The following TMEM213 variants were observed in gnomAD, a reference collection of about 807,000 sequenced individuals.
TMEM213 encodes the protein transmembrane protein 213.
In TMEM213, 7 loss-of-function variants were observed where a neutral mutation model predicts 11.6. That is an observed-to-expected ratio of 0.60 (90% CI 0.34 to 1.13). The LOEUF is 1.13. TMEM213 is among the 50% of genes most tolerant of loss of function. TMEM213 has a pLI of 0.03. For synonymous variants in TMEM213, 60 were observed against 58.3 expected (o/e 1.03, Z -0.13); for missense variants, 129 against 139.0 (o/e 0.93, Z 0.36).
chr7:138,800,620 A>G (rs1432439018), intron 1 of TMEM213, among the ~76,000 whole-genome samples: 1 of 151,008 alleles, frequency 6.6e-6, no homozygotes, highest in Non-Finnish European at 1.5e-5. Flanking sequence ...TTGCAAATAG[A>G]CGCCTTCTCA....
At chr7:138,799,498 CG>C (rs1397499930) in intron 1 of TMEM213, 1 of 152,142 alleles carries the variant, frequency 6.6e-6, no homozygotes, top group Admixed American at 6.6e-5. Flanking sequence ...GAATTTTCAC[CG>C]GGGCTATTCC....
At chr7:138,801,574 TC>T in intron 2 of TMEM213, 176 bp downstream of exon 2, 1 of 624,630 alleles carries the variant, frequency 1.6e-6, no homozygotes, top group East Asian at 2.8e-5. Flanking sequence ...TGAAAGGCTT[TC>T]TTGGCTCTGA....
chr7:138,805,212 A>G lies in TMEM213; in HGVS notation c.*2143A>G, dbSNP rs2034508. ...AAAGAGTCTGAGCCTGAGCAACATA[A>G]TGAGACCCTGTCTCTACAAAAAAAA... On this transcript the variant is annotated 3_prime_UTR_variant, in exon 3 of 3. Transcript: ENST00000442682. The G allele has an allele frequency of 0.63, 92,828 of 147,954 alleles. 29,420 individuals carry two copies. Among genetic ancestry groups the G allele is most frequent in the East Asian group, 0.71 (3,577 of 5,034 alleles). The allele number at this position is 147,954 out of a possible 1,614,324, so 9.2% of individuals were successfully genotyped here.
chr7:138,801,600 C>A, intron 2 of TMEM213: 1 of 584,054 alleles, frequency 1.7e-6, no homozygotes, highest in Non-Finnish European at 3.0e-6. Flanking sequence ...CATCTAGGTG[C>A]ACAATCTTTG....
At position 138,801,307 on chromosome 7, in the gene TMEM213, T is replaced by C. The variant is rs1435490796; in HGVS notation, c.83-20T>C. ...TAGCTTTTGCCAGTGCCTCAGACTA[T>C]CTCCTATCTTTTCTTCCAGAAGCAA... On this transcript the variant is annotated intron_variant, in intron 1 of 2. Coordinates refer to ENST00000442682, the MANE Select transcript of TMEM213 (RefSeq NM_001085429.2). The C allele has an allele frequency of 5.0e-6, 8 of 1,606,246 alleles. No individual in the cohort carries two copies. The highest frequency in any genetic ancestry group is 6.8e-6 in the Non-Finnish European group (8 of 1,175,884).
intron 1 of TMEM213, 150 bp from the exon 2 acceptor site, chr7:138,801,177 C>A: frequency 1.4e-6 from 1 of 705,918 alleles, no homozygotes; most frequent in Non-Finnish European, 2.4e-6. Context: ...AGGGAGTTAG[C>A]TTTGTTGCAG....
In TMEM213 at chr7:138,805,184, A is replaced by G. The variant is rs181005520; in HGVS notation, c.*2115A>G. 3 of 151,410 alleles carry G rather than the reference A, an allele frequency of 2.0e-5. No individual in the cohort carries two copies. The highest frequency in any genetic ancestry group is 7.3e-5 in the African/African-American group (3 of 41,016). 9.4% of individuals were successfully genotyped at this position (151,410 alleles called of 1,614,324 possible). ...TCCTAAGTGTTAAATGATCACATAC[A>G]TAAAAGAGTCTGAGCCTGAGCAACA... On this transcript the variant is annotated 3_prime_UTR_variant, in exon 3 of 3. Coordinates refer to ENST00000442682, the MANE Select transcript of TMEM213 (RefSeq NM_001085429.2).
chr7:138,798,181 CGGCA>C lies in TMEM213; in HGVS notation c.80_82+1del, dbSNP rs1808785788. On this transcript the variant is annotated frameshift_variant and splice_region_variant, in exon 1 of 3. Coordinates refer to ENST00000442682, the MANE Select transcript of TMEM213 (RefSeq NM_001085429.2). LOFTEE classifies it high-confidence loss of function. ...TTTGCCTCCCTCCACTCGGCTTGCTCGGCAGGTAGCGTTATGAGCTTTATTCATG... is the reference window on the plus strand; with the variant it reads ...TTTGCCTCCCTCCACTCGGCTTGCTCGGTAGCGTTATGAGCTTTATTCATG... The C allele has an allele frequency of 6.3e-7, 1 of 1,590,230 alleles. No homozygotes were observed. The highest frequency in any genetic ancestry group is 1.3e-5 in the African/African-American group (1 of 74,554).
chr7:138,799,667 A>G (rs904051656), intron 1 of TMEM213: 2 of 152,220 alleles, frequency 1.3e-5, no homozygotes, highest in Non-Finnish European at 2.9e-5. Context: ...AGGTGAAATG[A>G]AAGTCAGGGC....
intron 1 of TMEM213, among the ~76,000 whole-genome samples, chr7:138,798,888 G>C (rs1808826026): frequency 6.6e-6 from 1 of 151,998 alleles, no homozygotes; most frequent in Non-Finnish European, 1.5e-5. Flanking sequence ...AGCCACCTCA[G>C]AACACCACCA....
At position 138,803,162 on chromosome 7, in the gene TMEM213, C is replaced by A; in HGVS notation, c.*93C>A. The A allele has an allele frequency of 1.4e-6, 2 of 1,406,538 alleles. No homozygotes were observed. Among genetic ancestry groups the A allele is most frequent in the Non-Finnish European group, 1.9e-6 (2 of 1,040,518 alleles). 87.1% of individuals were successfully genotyped at this position (1,406,538 alleles called of 1,614,324 possible). A position where few individuals can be genotyped will look rare whatever the true frequency, so the allele number is the denominator to read the frequency against. ...CTAACATGGTTTCTATTATTTAAGT[C>A]ATTTTCACCTTTAAGCTTCAGTTAC... On this transcript the variant is annotated 3_prime_UTR_variant, in exon 3 of 3. Coordinates refer to ENST00000442682, the MANE Select transcript of TMEM213 (RefSeq NM_001085429.2).
chr7:138,799,738 C>T (rs1386600743), intron 1 of TMEM213, among the ~76,000 whole-genome samples: 1 of 152,120 alleles, frequency 6.6e-6, no homozygotes, highest in Non-Finnish European at 1.5e-5. Flanking sequence ...TTCTCCAAAA[C>T]AAATAAAGAC....
rs1430611727 is a variant in TMEM213 at position 138,806,132 on chromosome 7, C to A, written c.*3063C>A. On this transcript the variant is annotated 3_prime_UTR_variant, in exon 3 of 3. Coordinates refer to ENST00000442682, the MANE Select transcript of TMEM213 (RefSeq NM_001085429.2). ...GTTCTATAGTTTGATGGTTCTACTT[C>A]CCAGATGCTACCTCTCAGATTTATT... The A allele has an allele frequency of 6.6e-6, 1 of 152,132 alleles. No homozygotes were observed. Among genetic ancestry groups the A allele is most frequent in the Non-Finnish European group, 1.5e-5 (1 of 68,026 alleles). 9.4% of individuals were successfully genotyped at this position (152,132 alleles called of 1,614,324 possible).
intron 1 of TMEM213, among the ~76,000 whole-genome samples, chr7:138,800,519 T>A (rs967270596): frequency 2.0e-5 from 3 of 152,134 alleles, no homozygotes; most frequent in African/African-American, 7.2e-5. Context: ...CTATGATGTT[T>A]AATTTTTTTT....
intron 1 of TMEM213, among the ~76,000 whole-genome samples, chr7:138,799,848 G>C (rs1309335813): frequency 6.6e-6 from 1 of 152,128 alleles, no homozygotes; most frequent in Non-Finnish European, 1.5e-5. Context: ...TTGGGGGTTG[G>C]GTGGCATAAA....
In TMEM213 at chr7:138,798,172, C is replaced by T. The variant is rs767692106; in HGVS notation, c.68C>T (p.Ser23Leu). The T allele has an allele frequency of 3.8e-5, 61 of 1,594,578 alleles. No homozygotes were observed. Among genetic ancestry groups the T allele is most frequent in the Admixed American group, 7.1e-5 (4 of 56,566 alleles). ...ILSLAFASLH[S>L]ACSAEASSSN... Reference sequence around the variant, plus strand: ...AGCCTGGCCTTTGCCTCCCTCCACTCGGCTTGCTCGGCAGGTAGCGTTATG... The same window carrying T: ...AGCCTGGCCTTTGCCTCCCTCCACTTGGCTTGCTCGGCAGGTAGCGTTATG... Residue 23 changes from serine (S) to leucine (L), a missense_variant, in exon 1 of 3, where the codon TCG (serine) becomes TTG (leucine). Physicochemically the swap from Ser to Leu is moderately radical, Grantham distance 145. Transcript: ENST00000442682.
chr7:138,801,479 T>C lies in TMEM213; in HGVS notation c.154+81T>C, dbSNP rs568298592. The stretch of plus-strand genomic sequence containing the variant: ...GAAACAAAGGCCTCCCCGCTTTCCG[T>C]TGATTGGTGTCAAGTGGGCAAGGGC... On this transcript the variant is annotated intron_variant, in intron 2 of 2. Transcript: ENST00000442682. 461 of 1,365,480 alleles carry C rather than the reference T, an allele frequency of 3.4e-4. 2 individuals carry two copies. In the African/African-American group the frequency reaches 5.8e-3, roughly 17 times the overall value. 84.6% of individuals were successfully genotyped at this position (1,365,480 alleles called of 1,614,324 possible).
intron 1 of TMEM213, among the ~76,000 whole-genome samples, chr7:138,799,770 G>A (rs986444936): frequency 6.6e-6 from 1 of 152,182 alleles, no homozygotes; most frequent in African/African-American, 2.4e-5. Flanking sequence ...CCATTTAGCT[G>A]TAAATAATTT....
At chr7:138,798,752 C>G (rs1193530696) in intron 1 of TMEM213, among the ~76,000 whole-genome samples, 1 of 152,180 alleles carries the variant, frequency 6.6e-6, no homozygotes, top group East Asian at 1.9e-4. Flanking sequence ...GTTATCTCCC[C>G]ATTTTCCTGT....
Sources: allele counts gnomAD v4.1 joint callset (sites outside exome capture counted in the v4.1 genomes callset), GRCh38; gene constraint gnomAD v4.1.1; transcripts MANE v1.5; gene names NCBI Gene and HGNC (gene_info 2026-07-23, HGNC 2026-07-21).